Variants in FCRL5 observed in about 807,000 individuals in gnomAD.
FCRL5 encodes the protein Fc receptor like 5, also known as Fc receptor-like protein 5.
In FCRL5, 79 loss-of-function variants were observed where a neutral mutation model predicts 92.1. The ratio of observed to expected loss-of-function variants is 0.86; its 90% confidence interval spans 0.72 to 1.03. The LOEUF is 1.03. Ranked by LOEUF, FCRL5 falls within the 50% of genes least tolerant of loss-of-function variation. FCRL5 has a pLI of 0.00. For synonymous variants in FCRL5, 466 were observed against 469.3 expected, an observed-to-expected ratio of 0.99 and a Z score of 0.09; for missense variants, 1,160 against 1,181.1, an observed-to-expected ratio of 0.98 and a Z score of 0.26.
In FCRL5 at chr1:157,518,795, G is replaced by C; in HGVS notation, c.2661-13C>G. On this transcript the variant is annotated splice_polypyrimidine_tract_variant and intron_variant, in intron 13 of 16. Coordinates refer to ENST00000361835, the MANE Select transcript of FCRL5 (RefSeq NM_031281.3). ...GTCTGAAGGGCTCCTGTGAGACAGA[G>C]AAATGTGAATGTTTCTTAGGAATCC... 6.2e-7 allele frequency: 1 copy of C among 1,601,004 alleles called. No homozygotes were observed.
In FCRL5 at chr1:157,514,749, G is replaced by T. The variant is rs935370816; in HGVS notation, c.*926C>A. On this transcript the variant is annotated 3_prime_UTR_variant, in exon 17 of 17. Transcript: ENST00000361835. ...GAAAGTGTGAGAAGCCCTTCCTCTT[G>T]CTGAACAGTTTCCTCATCCAAGCTC... 2.0e-5 allele frequency: 3 copies of T among 152,278 alleles called. No individual in the cohort carries two copies. The highest frequency in any genetic ancestry group is 2.0e-4 in the Admixed American group (3 of 15,284). The allele number at this position is 152,278 out of a possible 1,614,324, so 9.4% of individuals were successfully genotyped here. A position where few individuals can be genotyped will look rare whatever the true frequency, so the allele number is the denominator to read the frequency against.
rs775662679 is a variant in FCRL5 at position 157,534,644 on chromosome 1, G to T, written c.1651C>A (p.Arg551Ser). ...ACAAAAAGGCTCACCACTTCACTGCGCTGGGGACCAAAGCCATTGTCAGCT... is the reference window on the plus strand; with the variant it reads ...ACAAAAAGGCTCACCACTTCACTGCTCTGGGGACCAAAGCCATTGTCAGCT... ...CTADNGFGPQ[R>S]SEVVSLFVTV... is the part of the protein sequence containing the mutation. The change falls in exon 8 of 17, where the codon CGC (arginine) becomes AGC (serine). Residue 551 changes from arginine to serine, a missense_variant. By Grantham distance (110) the Arg-to-Ser change is moderately radical. Coordinates refer to ENST00000361835, the MANE Select transcript of FCRL5 (RefSeq NM_031281.3). 3.1e-5 allele frequency: 50 copies of T among 1,614,058 alleles called. No individual in the cohort carries two copies. The highest frequency in any genetic ancestry group is 4.2e-5 in the Non-Finnish European group (49 of 1,180,052).
rs1651451292 is a variant in FCRL5 at position 157,544,811 on chromosome 1, C to A, written c.559+20G>T. The A allele has an allele frequency of 1.9e-6, 3 of 1,613,292 alleles. No individual in the cohort carries two copies. The highest frequency in any genetic ancestry group is 2.2e-5 in the South Asian group (2 of 90,838). On this transcript the variant is annotated intron_variant, in intron 4 of 16. Coordinates refer to ENST00000361835, the MANE Select transcript of FCRL5 (RefSeq NM_031281.3). ...ATCTCCTTTTGACCAACTCACTTCA[C>A]AAAATAATGAAGGCTTTACCTTGGA...
chr1:157,514,237 T>A lies in FCRL5; in HGVS notation c.*1438A>T, dbSNP rs1649829062. ...ACTGGGAGCAAAGATCAAGATAAGATGTGATGGATATCATAAAAGCGGAAC... is the reference window on the plus strand; with the variant it reads ...ACTGGGAGCAAAGATCAAGATAAGAAGTGATGGATATCATAAAAGCGGAAC... On this transcript the variant is annotated 3_prime_UTR_variant, in exon 17 of 17. Transcript: ENST00000361835. 1 of 152,256 alleles carries A rather than the reference T, an allele frequency of 6.6e-6. No homozygotes were observed. The highest frequency in any genetic ancestry group is 1.5e-5 in the Non-Finnish European group (1 of 68,068). 9.4% of individuals were successfully genotyped at this position (152,256 alleles called of 1,614,324 possible).
chr1:157,542,125 C>G (rs1302378371), intron 6 of FCRL5: 1 of 152,312 alleles, frequency 6.6e-6, no homozygotes, highest in Non-Finnish European at 1.5e-5. Flanking sequence ...ACTGGACTCT[C>G]TGTCACCAGT....
chr1:157,546,097 A>T, intron 3 of FCRL5: 2 of 273,954 alleles, frequency 7.3e-6, no homozygotes, highest in South Asian at 6.7e-5. Context: ...TTATCTACCC[A>T]TAAGTATGAA....
chr1:157,546,035 G>A (rs1651517600), intron 3 of FCRL5, among the ~76,000 whole-genome samples: 1 of 152,126 alleles, frequency 6.6e-6, no homozygotes, highest in African/African-American at 2.4e-5. Flanking sequence ...GACAAGGAAG[G>A]AAATGTCTCT....
At chr1:157,529,593 GCA>G (rs923329855) in intron 8 of FCRL5, among the ~76,000 whole-genome samples, 15 of 54,828 alleles carry the variant, frequency 2.7e-4, no homozygotes, top group African/African-American at 8.3e-4. Context: ...TGATACATAC[GCA>G]TGTGTGTGTG....
At chr1:157,537,390 C>T (rs1031407565) in intron 7 of FCRL5, among the ~76,000 whole-genome samples, 13 of 152,130 alleles carry the variant, frequency 8.5e-5, no homozygotes, top group African/African-American at 1.9e-4. Context: ...CTTATTAGGA[C>T]GAGGAAATTC....
chr1:157,528,525 G>T (rs1175180439), intron 8 of FCRL5: 2 of 152,072 alleles, frequency 1.3e-5, no homozygotes, highest in South Asian at 4.1e-4. Context: ...TAAGCAAAAA[G>T]AACAAATCTG....
In FCRL5 at chr1:157,513,639, A is replaced by G. The variant is rs1208421928; in HGVS notation, c.*2036T>C. The G allele has an allele frequency of 1.3e-5, 2 of 152,226 alleles. No homozygotes were observed. The highest frequency in any genetic ancestry group is 2.9e-5 in the Non-Finnish European group (2 of 68,044). 9.4% of individuals were successfully genotyped at this position (152,226 alleles called of 1,614,324 possible). On this transcript the variant is annotated 3_prime_UTR_variant, in exon 17 of 17. Transcript: ENST00000361835. ...GCCCTTTTGTTACATTCAGGCCTTCAACAGACTGGACGGGGTCCACCCACA... is the reference window on the plus strand; with the variant it reads ...GCCCTTTTGTTACATTCAGGCCTTCGACAGACTGGACGGGGTCCACCCACA...
intron 2 of FCRL5, 52 bp from the exon 3 acceptor site, chr1:157,547,249 C>A: frequency 6.2e-7 from 1 of 1,603,560 alleles, no homozygotes; most frequent in Non-Finnish European, 8.5e-7. Context: ...GCAGACCCAG[C>A]CTCAGGGCCT....
At chr1:157,548,998 C>A (rs191623308) in intron 2 of FCRL5, among the ~76,000 whole-genome samples, 1 of 151,942 alleles carries the variant, frequency 6.6e-6, no homozygotes. Flanking sequence ...ATGTTTACTG[C>A]GGCACTATTC....
chr1:157,517,571 G>C (rs981360922), intron 15 of FCRL5, among the ~76,000 whole-genome samples: 1 of 152,254 alleles, frequency 6.6e-6, no homozygotes, highest in South Asian at 2.1e-4. Context: ...TGACTTTGCT[G>C]GCTTTGGGAA....
At chr1:157,535,132 A>G (rs927304641) in intron 7 of FCRL5, among the ~76,000 whole-genome samples, 1 of 152,030 alleles carries the variant, frequency 6.6e-6, no homozygotes, top group African/African-American at 2.4e-5. Context: ...TTGTAGTGTG[A>G]CCTGCCTCCT....
chr1:157,515,434 C>G lies in FCRL5; in HGVS notation c.*241G>C. The stretch of plus-strand genomic sequence containing the variant: ...AGGAATCCAGGAGATGTGCTGGGCC[C>G]TGGAGTGGGAGCACCTTGCCACTGG... On this transcript the variant is annotated 3_prime_UTR_variant, in exon 17 of 17. Transcript: ENST00000361835. 1.5e-6 allele frequency: 1 copy of G among 669,240 alleles called. No individual in the cohort carries two copies. The highest frequency in any genetic ancestry group is 2.4e-6 in the Non-Finnish European group (1 of 408,866). The allele number at this position is 669,240 out of a possible 1,614,324, so 41.5% of individuals were successfully genotyped here. A position where few individuals can be genotyped will look rare whatever the true frequency, so the allele number is the denominator to read the frequency against.
intron 2 of FCRL5, 127 bp downstream of exon 2, chr1:157,549,433 A>C: frequency 2.3e-6 from 2 of 859,130 alleles, no homozygotes. Flanking sequence ...CTTAAAGTAT[A>C]ATAAAAAAAA....
rs1281053609 is a variant in FCRL5 at position 157,521,137 on chromosome 1, G to A, written c.2395C>T (p.Pro799Ser). Residue 799 changes from proline (P) to serine (S), a missense_variant, in exon 11 of 17, where the codon CCC (proline) becomes TCC (serine). Transcript: ENST00000361835. ...AGGTTTAAGGACGCTCCTCCAGAGG[G>A]GGACGACCTATTTCCTAGGGTGACA... ...EDVTLGNRSS[P>S]SGGASLNLSL... is the part of the protein sequence containing the mutation. The A allele has an allele frequency of 3.7e-6, 6 of 1,614,062 alleles. No individual in the cohort carries two copies. In the African/African-American group the frequency reaches 6.7e-5, roughly 18 times the overall value.
Position 157,543,108 on chromosome 1 carries a change from T to C in FCRL5, c.874A>G (p.Ser292Gly). 6.2e-7 allele frequency: 1 copy of C among 1,614,136 alleles called. No homozygotes were observed. Among genetic ancestry groups the C allele is most frequent in the Non-Finnish European group, 8.5e-7 (1 of 1,180,004 alleles). The change falls in exon 6 of 17, where the codon AGC becomes GGC. Residue 292 changes from serine (S) to glycine (G), a missense_variant. By Grantham distance (56) the Ser-to-Gly change is moderately conservative. Coordinates refer to ENST00000361835, the MANE Select transcript of FCRL5 (RefSeq NM_031281.3). ...TCAAAATTCAGAGCCTTTTCAGGGC[T>C]GAGAGTGAGGACAGGATGAGATGCA... ...IPASHPVLTL[S>G]PEKALNFEGT...
Sources: gnomAD v4.1 joint callset for allele counts (sites outside exome capture counted in the v4.1 genomes callset) on GRCh38, gnomAD v4.1.1 for gene constraint, MANE v1.5 for transcripts, NCBI Gene and HGNC (gene_info 2026-07-23, HGNC 2026-07-21) for gene names.